Variants in PARP4 observed in about 807,000 individuals in gnomAD.
PARP4 encodes poly(ADP-ribose) polymerase family member 4, also known as protein mono-ADP-ribosyltransferase PARP4.
In PARP4, 120 loss-of-function variants were observed where a neutral mutation model predicts 187.7. That is an observed-to-expected ratio of 0.64 (90% CI 0.55 to 0.74). The LOEUF is 0.74. PARP4 is among the 30% of genes least tolerant of loss of function. The probability of loss-of-function intolerance (pLI) is 0.00; values close to 1 mark genes in which losing one functional copy is unlikely to be tolerated. For missense variants in PARP4, 1,836 were observed against 2,070.5 expected (o/e 0.89, Z 2.20); for synonymous variants, 654 against 740.9 (o/e 0.88, Z 1.90).
At chr13:24,468,220 T>C (rs1872570583) in intron 17 of PARP4, among the ~76,000 whole-genome samples, 1 of 152,102 alleles carries the variant, frequency 6.6e-6, no homozygotes, top group Admixed American at 6.6e-5. Flanking sequence ...GAAAGTAGTC[T>C]AGTGGACCTG....
intron 20 of PARP4, among the ~76,000 whole-genome samples, chr13:24,458,058 C>A (rs952665185): frequency 6.6e-6 from 1 of 151,722 alleles, no homozygotes; most frequent in Admixed American, 6.6e-5. Flanking sequence ...ATCCCTTGAA[C>A]CCAAGAGTTT....
At chr13:24,458,598 A>C (rs565161570) in intron 20 of PARP4, among the ~76,000 whole-genome samples, 206 of 147,448 alleles carry the variant, frequency 1.4e-3, no homozygotes, top group African/African-American at 5.3e-3. Flanking sequence ...CAAAACAAAC[A>C]AAAAAAACTC....
At chr13:24,477,945 T>G in intron 13 of PARP4, 88 bp from the exon 14 acceptor site, 1 of 1,155,164 alleles carries the variant, frequency 8.7e-7, no homozygotes, top group Non-Finnish European at 1.2e-6. Flanking sequence ...GCATGTTTGC[T>G]AATTTAGAAA....
intron 24 of PARP4, among the ~76,000 whole-genome samples, chr13:24,450,447 G>T (rs2137466880): frequency 6.7e-6 from 1 of 149,812 alleles, no homozygotes; most frequent in East Asian, 1.9e-4. Flanking sequence ...TAATTTCCAA[G>T]ATGTTTTTCA....
At chr13:24,486,721 G>T (rs1873577596) in intron 10 of PARP4, among the ~76,000 whole-genome samples, 1 of 152,218 alleles carries the variant, frequency 6.6e-6, no homozygotes, top group Non-Finnish European at 1.5e-5. Flanking sequence ...GGAGGCCAAG[G>T]CAGTTAGATC....
At position 24,475,946 on chromosome 13, in the gene PARP4, A is replaced by C. The variant is rs537261421; in HGVS notation, c.1790-350T>G. Among the ~76,000 whole-genome samples, 132 of 152,098 alleles carry C rather than the reference A, an allele frequency of 8.7e-4. 1 individual carries two copies. The highest frequency in any genetic ancestry group is 8.0e-3 in the Admixed American group (122 of 15,268). ...ACTATAGGCATGCACCACAATGCCC[A>C]GCTAATTTTTTGGTATTTTTTGTAG... On this transcript the variant is annotated intron_variant, in intron 14 of 33. Coordinates refer to ENST00000381989, the MANE Select transcript of PARP4 (RefSeq NM_006437.4).
chr13:24,438,721 C>A (rs1158994217), intron 30 of PARP4, among the ~76,000 whole-genome samples: 11 of 152,112 alleles, frequency 7.2e-5, no homozygotes. Flanking sequence ...GAGCACGTCC[C>A]AGCAGAAAAG....
At chr13:24,473,545 C>T (rs1384992266) in intron 15 of PARP4, among the ~76,000 whole-genome samples, 3 of 151,510 alleles carry the variant, frequency 2.0e-5, no homozygotes, top group African/African-American at 7.3e-5. Context: ...CCAGCAATTC[C>T]CCTCTCCCAG....
At chr13:24,494,795 A>G in intron 6 of PARP4, 73 bp from the exon 7 acceptor site, 1 of 1,027,400 alleles carries the variant, frequency 9.7e-7, no homozygotes. Flanking sequence ...TAAATAAAGC[A>G]GTAGGTCCTT....
At chr13:24,432,093 A>G (rs1367444318) in intron 31 of PARP4, among the ~76,000 whole-genome samples, 1 of 152,192 alleles carries the variant, frequency 6.6e-6, no homozygotes, top group Admixed American at 6.5e-5. Flanking sequence ...TTGATACATA[A>G]TACTTGTATG....
Position 24,478,084 on chromosome 13 carries a change from TA to T in PARP4, c.1632+8del. ...GACCCTCTTTGCTTCTTCCTTGAAA[TA>T]AAAATACCTCAAAGTCTGTGGTGAC... On this transcript the variant is annotated splice_region_variant and intron_variant, in intron 13 of 33. Transcript: ENST00000381989. 1 of 1,573,692 alleles carries T rather than the reference TA, an allele frequency of 6.4e-7. No individual in the cohort carries two copies.
chr13:24,470,653 T>C (rs1277417052), intron 15 of PARP4, among the ~76,000 whole-genome samples: 1 of 152,098 alleles, frequency 6.6e-6, no homozygotes, highest in Non-Finnish European at 1.5e-5. Context: ...TCCTCAGACA[T>C]ACAATAAACA....
At chr13:24,497,334 C>T (rs1869012250) in intron 6 of PARP4, among the ~76,000 whole-genome samples, 1 of 152,144 alleles carries the variant, frequency 6.6e-6, no homozygotes, top group Admixed American at 6.5e-5. Context: ...TCTTTCTAGA[C>T]AGTGATCTCT....
In PARP4 at chr13:24,452,499, A is replaced by G. The variant is rs752769523; in HGVS notation, c.2921T>C (p.Leu974Pro). ...ATCCTGGAGGTGCCCATCAGACACC[A>G]GGAGGATGTTCCGTGACCCTCGAGC... ...YPARGSRNIL[L>P]VSDGHLQDES... Residue 974 changes from leucine to proline, a missense_variant, in exon 24 of 34, where the codon CTG becomes CCG. By Grantham distance (98) the Leu-to-Pro change is moderately conservative (BLOSUM62 -3). This residue lies in a region of PARP4 where 1,147 missense variants were observed against 1,214.2 expected (regional missense o/e 0.94). Coordinates refer to ENST00000381989, the MANE Select transcript of PARP4 (RefSeq NM_006437.4). The G allele has an allele frequency of 6.2e-7, 1 of 1,614,118 alleles. No homozygotes were observed. Among genetic ancestry groups the G allele is most frequent in the Non-Finnish European group, 8.5e-7 (1 of 1,179,944 alleles).
chr13:24,479,120 T>C (rs1372419661), intron 12 of PARP4, among the ~76,000 whole-genome samples: 1 of 152,218 alleles, frequency 6.6e-6, no homozygotes, highest in African/African-American at 2.4e-5. Flanking sequence ...GCAGCTTTAA[T>C]AAGGCAACTC....
chr13:24,460,414 G>T (rs1039594503), intron 17 of PARP4, among the ~76,000 whole-genome samples: 1 of 149,938 alleles, frequency 6.7e-6, no homozygotes, highest in Admixed American at 6.6e-5. Flanking sequence ...TGCCCCAGGG[G>T]GCTCTCATGT....
chr13:24,486,988 A>G (rs1402729040), intron 10 of PARP4, among the ~76,000 whole-genome samples: 1 of 151,938 alleles, frequency 6.6e-6, no homozygotes, highest in Admixed American at 6.6e-5. Context: ...TCGGCCGGGC[A>G]TGGTGGCTCA....
intron 15 of PARP4, among the ~76,000 whole-genome samples, chr13:24,474,947 G>A (rs189211682): frequency 3.3e-5 from 5 of 152,174 alleles, no homozygotes; most frequent in African/African-American, 7.2e-5. Flanking sequence ...TCTCCTTGGC[G>A]CGCCTGGGCC....
chr13:24,496,531 C>CTCAAT (rs1566019195), intron 6 of PARP4, among the ~76,000 whole-genome samples: 7 of 152,126 alleles, frequency 4.6e-5, no homozygotes, highest in African/African-American at 1.7e-4. Flanking sequence ...ATCTGGAACC[C>CTCAAT]GAGACAATGC....
Sources: gnomAD v4.1 joint callset for allele counts (sites outside exome capture counted in the v4.1 genomes callset) on GRCh38, gnomAD v4.1.1 for gene constraint, gnomAD v4.1.1 regional missense constraint, MANE v1.5 for transcripts, NCBI Gene and HGNC (gene_info 2026-07-23, HGNC 2026-07-21) for gene names.